AXDND1: variants seen among roughly 807,000 people sequenced by gnomAD.
AXDND1 encodes axonemal dynein light chain domain-containing protein 1.
In AXDND1, 110 loss-of-function variants were observed where a neutral mutation model predicts 137.5. The ratio of observed to expected loss-of-function variants is 0.80; its 90% CI spans 0.69 to 0.94. The LOEUF is 0.94. AXDND1 is among the 40% of genes least tolerant of loss of function. The pLI, the probability that AXDND1 is intolerant of heterozygous loss-of-function variation, is 0.00. For synonymous variants in AXDND1, 414 were observed against 399.7 expected, an observed-to-expected ratio of 1.04 and a Z score of -0.43; for missense variants, 1,191 against 1,169.8, an observed-to-expected ratio of 1.02 and a Z score of -0.26.
At chr1:179,481,204 A>G (rs1376035982) in intron 17 of AXDND1, among the ~76,000 whole-genome samples, 6 of 152,146 alleles carry the variant, frequency 3.9e-5, no homozygotes, top group Non-Finnish European at 5.9e-5. Context: ...TCATTGTTCA[A>G]TTCCCACCTA....
chr1:179,396,136 T>C (rs1651014356), intron 11 of AXDND1, among the ~76,000 whole-genome samples: 1 of 147,744 alleles, frequency 6.8e-6, no homozygotes, highest in South Asian at 2.1e-4. Flanking sequence ...GCCACTGCAC[T>C]CCAGCCTGGG....
At chr1:179,468,879 C>T (rs1383960159) in intron 17 of AXDND1, among the ~76,000 whole-genome samples, 1 of 152,080 alleles carries the variant, frequency 6.6e-6, no homozygotes, top group Non-Finnish European at 1.5e-5. Flanking sequence ...CTACCCCCAG[C>T]CCTAAGCAAC....
chr1:179,462,728 G>C (rs1269328299), intron 16 of AXDND1, among the ~76,000 whole-genome samples: 12 of 151,082 alleles, frequency 7.9e-5, no homozygotes, highest in African/African-American at 2.9e-4. Flanking sequence ...TTATTTATTG[G>C]TCTATTCAGG....
intron 11 of AXDND1, among the ~76,000 whole-genome samples, chr1:179,402,989 C>A (rs1320610493): frequency 6.6e-6 from 1 of 152,088 alleles, no homozygotes; most frequent in Non-Finnish European, 1.5e-5. Flanking sequence ...AGTATACAGT[C>A]GACTGTTGAA....
At chr1:179,469,063 G>A (rs1663594548) in intron 17 of AXDND1, among the ~76,000 whole-genome samples, 1 of 152,016 alleles carries the variant, frequency 6.6e-6, no homozygotes, top group African/African-American at 2.4e-5. Flanking sequence ...CTGAGTAGCT[G>A]GGACTACAGG....
chr1:179,447,722 A>C, intron 16 of AXDND1: 1 of 1,347,680 alleles, frequency 7.4e-7, no homozygotes, highest in Non-Finnish European at 1.1e-6. Flanking sequence ...ACTTTACCTA[A>C]ACTATTTGCA....
intron 23 of AXDND1, among the ~76,000 whole-genome samples, chr1:179,530,566 C>T (rs1443546313): frequency 2.0e-5 from 3 of 152,126 alleles, no homozygotes; most frequent in Non-Finnish European, 2.9e-5. Context: ...GTCCACTGCT[C>T]CCAGATACTG....
intron 9 of AXDND1, among the ~76,000 whole-genome samples, chr1:179,387,979 T>G (rs1245097936): frequency 3.3e-5 from 5 of 152,206 alleles, no homozygotes; most frequent in Non-Finnish European, 7.3e-5. Context: ...TACTCTGTCC[T>G]CTGAACTCTA....
At chr1:179,429,449 A>G in intron 12 of AXDND1, 69 bp from the exon 13 acceptor site, 1 of 756,184 alleles carries the variant, frequency 1.3e-6, no homozygotes, top group Non-Finnish European at 2.0e-6. Context: ...GATATATGAA[A>G]TCACTGTAAT....
At position 179,513,279 on chromosome 1, in the gene AXDND1, G is replaced by A. The variant is rs1669223055; in HGVS notation, c.2496+3876G>A. On this transcript the variant is annotated intron_variant, in intron 21 of 25. Coordinates refer to ENST00000367618, the MANE Select transcript of AXDND1 (RefSeq NM_144696.6). ...CTGAGAGTTTTAATCATAAAGGGAT[G>A]CTGGATTTTGTTGAATGCTTTTTCT... Among the ~76,000 whole-genome samples, 3 of 152,196 alleles carry A rather than the reference G, an allele frequency of 2.0e-5. No individual in the cohort carries two copies. The South Asian group carries it at 6.2e-4, about 31-fold the overall frequency.
chr1:179,449,085 C>A (rs1443951717), intron 16 of AXDND1: 2 of 443,906 alleles, frequency 4.5e-6, no homozygotes, highest in East Asian at 7.5e-5. Flanking sequence ...AGGATCTCAC[C>A]GTGTTGCACA....
At chr1:179,526,566 T>C (rs1343709738) in intron 22 of AXDND1, among the ~76,000 whole-genome samples, 1 of 152,220 alleles carries the variant, frequency 6.6e-6, no homozygotes, top group African/African-American at 2.4e-5. Context: ...CTCTACAATG[T>C]CTTGATTTAC....
intron 16 of AXDND1, among the ~76,000 whole-genome samples, chr1:179,463,271 C>T (rs111808811): frequency 0.03 from 4,569 of 152,218 alleles, 215 homozygotes; most frequent in African/African-American, 0.1. Context: ...TATAAATTTC[C>T]CTCTACACAC....
intron 12 of AXDND1, among the ~76,000 whole-genome samples, chr1:179,418,764 C>T (rs1243361238): frequency 6.6e-6 from 1 of 152,068 alleles, no homozygotes; most frequent in Non-Finnish European, 1.5e-5. Context: ...GGCGGAGACG[C>T]TCCTCACTTC....
chr1:179,378,287 C>T (rs569297854), intron 4 of AXDND1, among the ~76,000 whole-genome samples: 2 of 152,100 alleles, frequency 1.3e-5, no homozygotes, highest in African/African-American at 4.8e-5. Context: ...GTTGGAGATA[C>T]ACAGAAGTTA....
Position 179,554,637 on chromosome 1 carries a change from G to T in AXDND1, c.*118G>T, listed in dbSNP as rs1673805707. The T allele has an allele frequency of 6.7e-7, 1 of 1,485,588 alleles. No individual in the cohort carries two copies. The highest frequency in any genetic ancestry group is 9.4e-7 in the Non-Finnish European group (1 of 1,065,488). 92.0% of individuals were successfully genotyped at this position (1,485,588 alleles called of 1,614,324 possible). ...TGTACTAAGGAACAACATTCCCTTTGAAAGGACATTATTTGCCTGTTGTAT... is the reference window on the plus strand; with the variant it reads ...TGTACTAAGGAACAACATTCCCTTTTAAAGGACATTATTTGCCTGTTGTAT... On this transcript the variant is annotated 3_prime_UTR_variant, in exon 26 of 26. Transcript: ENST00000367618.
intron 21 of AXDND1, among the ~76,000 whole-genome samples, chr1:179,512,727 CTA>C (rs1484555813): frequency 1.3e-5 from 2 of 152,054 alleles, no homozygotes; most frequent in African/African-American, 4.8e-5. Flanking sequence ...TTTATGTTGT[CTA>C]TGATTTCTTT....
intron 25 of AXDND1, among the ~76,000 whole-genome samples, chr1:179,541,781 CA>C (rs1485792409): frequency 6.6e-6 from 1 of 151,946 alleles, no homozygotes; most frequent in African/African-American, 2.4e-5. Flanking sequence ...AATTAATATA[CA>C]AAGATGTTCA....
At chr1:179,387,094 A>G (rs1190507351) in intron 9 of AXDND1, among the ~76,000 whole-genome samples, 4 of 152,068 alleles carry the variant, frequency 2.6e-5, no homozygotes, top group African/African-American at 4.8e-5. Context: ...TCTACCGTCT[A>G]TTTTGGTTCT....
Sources: allele counts gnomAD v4.1 joint callset (sites outside exome capture counted in the v4.1 genomes callset), GRCh38; gene constraint gnomAD v4.1.1; transcripts MANE v1.5; gene names NCBI Gene and HGNC (gene_info 2026-07-23, HGNC 2026-07-21).